The following OSBP2 variants were observed in gnomAD, a reference collection of about 807,000 sequenced individuals.
OSBP2 encodes oxysterol binding protein 2.
In OSBP2, 66 loss-of-function variants were observed where a neutral mutation model predicts 96.0. The ratio of observed to expected loss-of-function variants is 0.69; its 90% CI spans 0.56 to 0.84. The LOEUF (loss-of-function observed/expected upper bound fraction) is 0.84. Among genes scored for constraint, OSBP2 ranks in the 40% least tolerant of loss-of-function variants. The pLI is 0.00. For missense variants in OSBP2, 1,038 were observed against 1,222.7 expected, an observed-to-expected ratio of 0.85 and a Z score of 2.25; for synonymous variants, 525 against 520.9, an observed-to-expected ratio of 1.01 and a Z score of -0.11.
rs765753333 is a variant in OSBP2, at chr22:30,905,894, CGAG to C, written c.2438_2440del (p.Glu813del). On this transcript the variant is annotated inframe_deletion, in exon 13 of 14. Transcript: ENST00000332585. ...AGCTGGCCCTGACCCTCAACGAGCA[CGAG>C]GAGGGCGTAGCGCCAACCGACAGCC... The C allele has an allele frequency of 6.2e-7, 1 of 1,613,154 alleles. No homozygotes were observed. The highest frequency in any genetic ancestry group is 1.3e-5 in the African/African-American group (1 of 74,922).
At chr22:30,830,558 C>G (rs1003020860) in intron 2 of OSBP2, among the ~76,000 whole-genome samples, 1 of 152,250 alleles carries the variant, frequency 6.6e-6, no homozygotes, top group Non-Finnish European at 1.5e-5. Context: ...CGGGACAGGG[C>G]CCCTGGAATG....
chr22:30,850,306 CAAA>C (rs145695204), intron 2 of OSBP2, among the ~76,000 whole-genome samples: 1 of 121,118 alleles, frequency 8.3e-6, no homozygotes, highest in Non-Finnish European at 1.7e-5. Flanking sequence ...GACTCTGTCT[CAAA>C]AAAAAAAAAA....
rs544296327 is a variant in OSBP2 at position 30,786,946 on chromosome 22, G to A, written c.853+45577G>A. ...CCCAAGTATCTGGGACTACAGGCAC[G>A]TGCCACCACACCAGGCTAATTTTTT... On this transcript the variant is annotated intron_variant, in intron 2 of 13. Transcript: ENST00000332585. Among the ~76,000 whole-genome samples the A allele has an allele frequency of 3.3e-5, 5 of 152,124 alleles. No individual in the cohort carries two copies. In the East Asian group the frequency reaches 7.7e-4, roughly 24 times the overall value.
In OSBP2 at chr22:30,891,352, G is replaced by A. The variant is rs555126044; in HGVS notation, c.1869+379G>A. On this transcript the variant is annotated intron_variant, in intron 8 of 13. Coordinates refer to ENST00000332585, the MANE Select transcript of OSBP2 (RefSeq NM_030758.4). ...CGGCTGGCAGGAGGAGCCTGGGTGC[G>A]GTGGGATGGACTCTGCCCCAGCCAG... is the stretch of plus-strand genomic sequence containing the variant. Among the ~76,000 whole-genome samples, 25 of 152,276 alleles carry A rather than the reference G, an allele frequency of 1.6e-4. No homozygotes were observed. In the Middle Eastern group the frequency reaches 0.01, roughly 62 times the overall value.
At chr22:30,743,053 C>T (rs2145742786) in intron 2 of OSBP2, among the ~76,000 whole-genome samples, 1 of 152,314 alleles carries the variant, frequency 6.6e-6, no homozygotes, top group Admixed American at 6.5e-5. Flanking sequence ...CAACAGTGAT[C>T]CTTCTGAAGT....
At chr22:30,700,129 A>AT (rs1173453939) in intron 1 of OSBP2, among the ~76,000 whole-genome samples, 7 of 151,302 alleles carry the variant, frequency 4.6e-5, no homozygotes, top group African/African-American at 1.7e-4. Context: ...CACCCAGCTA[A>AT]TTTTTTTTGT....
chr22:30,705,302 GT>G (rs1318056753), intron 1 of OSBP2, among the ~76,000 whole-genome samples: 1 of 151,920 alleles, frequency 6.6e-6, no homozygotes, highest in Non-Finnish European at 1.5e-5. Context: ...TGTTGTTGTT[GT>G]TGTTGTTGAG....
At chr22:30,719,594 A>C (rs1206895315) in intron 1 of OSBP2, among the ~76,000 whole-genome samples, 1 of 151,868 alleles carries the variant, frequency 6.6e-6, no homozygotes, top group Non-Finnish European at 1.5e-5. Context: ...ATCTCTACCA[A>C]AGATACAAAA....
chr22:30,805,081 G>A (rs1466151651), intron 2 of OSBP2, among the ~76,000 whole-genome samples: 1 of 152,208 alleles, frequency 6.6e-6, no homozygotes, highest in Admixed American at 6.5e-5. Flanking sequence ...GTAGGATCAA[G>A]TTCTCTTCTG....
chr22:30,704,933 C>T (rs1347936713), intron 1 of OSBP2, among the ~76,000 whole-genome samples: 1 of 152,218 alleles, frequency 6.6e-6, no homozygotes, highest in Non-Finnish European at 1.5e-5. Flanking sequence ...GAACTCTTTT[C>T]TGCACAGGTG....
intron 2 of OSBP2, among the ~76,000 whole-genome samples, chr22:30,783,966 G>A (rs991646162): frequency 3.3e-5 from 5 of 152,332 alleles, no homozygotes; most frequent in African/African-American, 1.2e-4. Context: ...CCTTCAGCAT[G>A]TATCTGCAGA....
chr22:30,812,496 T>C (rs1412203065), intron 2 of OSBP2, among the ~76,000 whole-genome samples: 1 of 152,220 alleles, frequency 6.6e-6, no homozygotes, highest in African/African-American at 2.4e-5. Flanking sequence ...TAGAATTCCA[T>C]AGTGTATTAT....
chr22:30,901,522 T>C lies in OSBP2; in HGVS notation c.2376-4315T>C, dbSNP rs146567151. On this transcript the variant is annotated intron_variant, in intron 12 of 13. Coordinates refer to ENST00000332585, the MANE Select transcript of OSBP2 (RefSeq NM_030758.4). ...AGCTGTAGAGCTACAATATCTCTGA[T>C]ACATTGCTGCTGGCAAAAGTTGTAA... Among the ~76,000 whole-genome samples the C allele has an allele frequency of 2.0e-4, 31 of 152,366 alleles. 1 individual carries two copies. Among genetic ancestry groups the C allele is most frequent in the African/African-American group, 7.5e-4 (31 of 41,588 alleles).
intron 2 of OSBP2, among the ~76,000 whole-genome samples, chr22:30,843,313 A>G (rs994889270): frequency 2.0e-5 from 3 of 152,166 alleles, no homozygotes; most frequent in Admixed American, 6.5e-5. Context: ...CAGAGACCCC[A>G]TTGGTGGCAA....
chr22:30,784,875 C>T (rs894859089), intron 2 of OSBP2, among the ~76,000 whole-genome samples: 18 of 151,624 alleles, frequency 1.2e-4, no homozygotes, highest in Non-Finnish European at 1.9e-4. Context: ...CAGGTTCAAG[C>T]GATTCTCCTG....
At chr22:30,887,752 C>A in intron 4 of OSBP2, 134 bp downstream of exon 4, 1 of 703,380 alleles carries the variant, frequency 1.4e-6, no homozygotes, top group Non-Finnish European at 2.3e-6. Context: ...CTCTTGACTG[C>A]CTCTTCGTGG....
intron 2 of OSBP2, among the ~76,000 whole-genome samples, chr22:30,776,049 G>A (rs528701335): frequency 1.3e-5 from 2 of 151,818 alleles, no homozygotes; most frequent in East Asian, 3.9e-4. Context: ...TCCCACTTCA[G>A]CCTCCCAAAG....
chr22:30,870,836 G>A lies in OSBP2; in HGVS notation c.1107+154G>A, dbSNP rs73154700. On this transcript the variant is annotated intron_variant, in intron 3 of 13. Coordinates refer to ENST00000332585, the MANE Select transcript of OSBP2 (RefSeq NM_030758.4). The surrounding 1 kb of genome is among the most constrained non-coding windows in gnomAD (Gnocchi z 4.1). ...AGCCAGCGCCCCCCAGCTAGCTTCC[G>A]AGTTCTTAAATCATCTCCTTCACTC... is the stretch of plus-strand genomic sequence containing the variant. Among the ~76,000 whole-genome samples, 9,053 of 152,260 alleles carry A rather than the reference G, an allele frequency of 0.059. 318 individuals carry two copies. Among genetic ancestry groups the A allele is most frequent in the Middle Eastern group, 0.13 (37 of 294 alleles).
In OSBP2 at chr22:30,859,536, G is replaced by T. The variant is rs1332093455; in HGVS notation, c.854-10893G>T. Among the ~76,000 whole-genome samples, 8 of 152,236 alleles carry T rather than the reference G, an allele frequency of 5.3e-5. No homozygotes were observed. The East Asian group carries it at 1.5e-3, about 29-fold the overall frequency. On this transcript the variant is annotated intron_variant, in intron 2 of 13. Coordinates refer to ENST00000332585, the MANE Select transcript of OSBP2 (RefSeq NM_030758.4). ...GCCGTGTGGCGAGCCCGTTGGTAGG[G>T]CCAGTGGTTTCAGGGGAGCTGTGCT...
Sources: gnomAD v4.1 joint callset for allele counts (sites outside exome capture counted in the v4.1 genomes callset) on GRCh38, gnomAD v4.1.1 for gene constraint, Gnocchi (gnomAD v3.1) non-coding constraint, MANE v1.5 for transcripts, NCBI Gene and HGNC (gene_info 2026-07-23, HGNC 2026-07-21) for gene names.